Variants in CLVS1 observed in about 807,000 individuals in gnomAD.
CLVS1 encodes clavesin 1.
CLVS1 carries 10 observed loss-of-function variants against 33.1 expected under a neutral mutation model. That is an observed-to-expected ratio of 0.30 (90% CI 0.19 to 0.51). The LOEUF (loss-of-function observed/expected upper bound fraction) is 0.51, where lower values mean the gene tolerates loss of function less well. Ranked by LOEUF, CLVS1 falls within the 20% of genes least tolerant of loss-of-function variation. The probability of loss-of-function intolerance (pLI) is 0.97; values close to 1 mark genes in which losing one functional copy is unlikely to be tolerated. For missense variants in CLVS1, 343 were observed against 433.4 expected (o/e 0.79, Z 1.85); for synonymous variants, 163 against 166.1 (o/e 0.98, Z 0.14).
intron 2 of CLVS1, among the ~76,000 whole-genome samples, chr8:61,301,964 A>G (rs913152225): frequency 4.6e-5 from 7 of 152,198 alleles, no homozygotes; most frequent in African/African-American, 1.7e-4. Flanking sequence ...ACAGAGATAT[A>G]ATCATTAACA....
intron 3 of CLVS1, among the ~76,000 whole-genome samples, chr8:61,432,088 C>A (rs965235173): frequency 6.6e-6 from 1 of 152,104 alleles, no homozygotes; most frequent in African/African-American, 2.4e-5. Flanking sequence ...TTTCAATGTG[C>A]AATGCTCATC....
At chr8:61,088,806 T>C (rs1248526115) in intron 1 of CLVS1, among the ~76,000 whole-genome samples, 1 of 149,080 alleles carries the variant, frequency 6.7e-6, no homozygotes, top group African/African-American at 2.6e-5. Context: ...TCTTTTCTTT[T>C]TCTTTTTTTT....
intron 1 of CLVS1, among the ~76,000 whole-genome samples, chr8:61,070,697 A>G (rs1165935602): frequency 6.6e-6 from 1 of 152,172 alleles, no homozygotes; most frequent in Admixed American, 6.5e-5. Context: ...AAAATTATCC[A>G]GGCACAGTGG....
At chr8:61,056,866 T>C (rs961046883), upstream of CLVS1, among the ~76,000 whole-genome samples, 2 of 152,214 alleles carry the variant, frequency 1.3e-5, no homozygotes, top group African/African-American at 4.8e-5. Context: ...GCCTGACAGC[T>C]AGACAAGCAA....
intron 2 of CLVS1, among the ~76,000 whole-genome samples, chr8:61,372,901 A>G (rs1045676177): frequency 7.9e-5 from 12 of 152,186 alleles, no homozygotes; most frequent in African/African-American, 2.9e-4. Flanking sequence ...AATACAGTCA[A>G]CATGATGTAT....
intron 5 of CLVS1, among the ~76,000 whole-genome samples, chr8:61,490,624 C>T (rs1409285377): frequency 5.4e-5 from 8 of 147,772 alleles, no homozygotes; most frequent in Non-Finnish European, 1.2e-4. Context: ...CACCACTGCA[C>T]TCCAGCCTGG....
At chr8:61,387,167 C>A (rs1814117056) in intron 3 of CLVS1, among the ~76,000 whole-genome samples, 1 of 152,160 alleles carries the variant, frequency 6.6e-6, no homozygotes, top group Non-Finnish European at 1.5e-5. Flanking sequence ...GTGGGCAGAT[C>A]ACCTGAGGTC....
intron 3 of CLVS1, among the ~76,000 whole-genome samples, chr8:61,399,455 A>G (rs1814665019): frequency 6.6e-6 from 1 of 152,086 alleles, no homozygotes; most frequent in Non-Finnish European, 1.5e-5. Context: ...TGTCAGATGG[A>G]TAGATTACAA....
At position 61,322,751 on chromosome 8, in the gene CLVS1, C is replaced by T. The variant is rs557428942; in HGVS notation, c.455+22469C>T. On this transcript the variant is annotated intron_variant, in intron 2 of 5. Transcript: ENST00000325897. ...ACTCTTGCTCTTTTTGGAAGCAGTACTCTTCTCATCTCAATTAATCAATTA... is the reference window on the plus strand; with the variant it reads ...ACTCTTGCTCTTTTTGGAAGCAGTATTCTTCTCATCTCAATTAATCAATTA... Among the ~76,000 whole-genome samples, 7 of 152,200 alleles carry T rather than the reference C, an allele frequency of 4.6e-5. 1 individual carries two copies. Among genetic ancestry groups the T allele is most frequent in the African/African-American group, 1.7e-4 (7 of 41,530 alleles).
chr8:61,403,814 C>T (rs1248137687), intron 3 of CLVS1, among the ~76,000 whole-genome samples: 1 of 152,122 alleles, frequency 6.6e-6, no homozygotes, highest in African/African-American at 2.4e-5. Flanking sequence ...GAGCTTGGCA[C>T]AGGATTCCAC....
At chr8:61,033,149 AAG>A in the CLVS1 span, among the ~76,000 whole-genome samples, 431 of 126,760 alleles carry the variant, frequency 3.4e-3, 17 homozygotes, top group African/African-American at 0.012. Flanking sequence ...GAAAGAAAGA[AAG>A]AAAGAAAGAA....
At chr8:60,968,104 C>T in the CLVS1 span, among the ~76,000 whole-genome samples, 22 of 152,250 alleles carry the variant, frequency 1.4e-4, no homozygotes, top group Non-Finnish European at 2.9e-4. Context: ...CGAATTGTTA[C>T]GTATTTTTTT....
At chr8:61,264,023 G>T (rs1274138746) in intron 2 of CLVS1, among the ~76,000 whole-genome samples, 1 of 152,150 alleles carries the variant, frequency 6.6e-6, no homozygotes, top group Non-Finnish European at 1.5e-5. Flanking sequence ...AATTGCAAAT[G>T]AACTTTCAGT....
chr8:61,192,254 T>C lies in CLVS1; in HGVS notation c.-152+60394T>C, dbSNP rs570848602. 3.4e-3 allele frequency among the ~76,000 whole-genome samples: 513 copies of C among 152,080 alleles called. 1 individual carries two copies. The highest frequency in any genetic ancestry group is 4.8e-3 in the Non-Finnish European group (327 of 67,948). On this transcript the variant is annotated intron_variant, in intron 2 of 2. Coordinates refer to the CLVS1 transcript ENST00000522621. Reference sequence around the variant, plus strand: ...TACAACTATCTGATCTTTGACAAACTGGACAAAAACAAGAAATGGGAGAGG... The same window carrying C: ...TACAACTATCTGATCTTTGACAAACCGGACAAAAACAAGAAATGGGAGAGG...
At chr8:60,978,706 T>A in the CLVS1 span, among the ~76,000 whole-genome samples, 5 of 146,282 alleles carry the variant, frequency 3.4e-5, no homozygotes, top group African/African-American at 1.3e-4. Context: ...TGCCAGATAC[T>A]CAGGAGGCTG....
chr8:61,243,204 T>G (rs1356880657), intron 2 of CLVS1, among the ~76,000 whole-genome samples: 2 of 152,244 alleles, frequency 1.3e-5, no homozygotes, highest in African/African-American at 4.8e-5. Flanking sequence ...AAGATGAGAC[T>G]GCTCTTCTTT....
chr8:60,983,282 AG>A, the CLVS1 span, among the ~76,000 whole-genome samples: 1 of 152,186 alleles, frequency 6.6e-6, no homozygotes, highest in African/African-American at 2.4e-5. Context: ...ATTTCAGAGG[AG>A]TTCTGTGCTT....
At chr8:61,472,299 C>T (rs1421013587) in intron 5 of CLVS1, among the ~76,000 whole-genome samples, 5 of 151,950 alleles carry the variant, frequency 3.3e-5, no homozygotes, top group Non-Finnish European at 7.4e-5. Flanking sequence ...CACTTATTCC[C>T]TAGTATATAA....
intron 2 of CLVS1, among the ~76,000 whole-genome samples, chr8:61,177,233 C>T (rs1807130886): frequency 6.6e-6 from 1 of 152,196 alleles, no homozygotes; most frequent in Non-Finnish European, 1.5e-5. Context: ...GCCAGAGTGC[C>T]TCTTCAGGCC....
Sources: gnomAD v4.1 joint callset for allele counts (sites outside exome capture counted in the v4.1 genomes callset) on GRCh38, gnomAD v4.1.1 for gene constraint, MANE v1.5 for transcripts, NCBI Gene and HGNC (gene_info 2026-07-23, HGNC 2026-07-21) for gene names.